The following DESI1 variants were observed in gnomAD, a reference collection of about 807,000 sequenced individuals.
The protein encoded by DESI1 is PPPDE peptidase domain containing 2.
DESI1 carries 17 observed loss-of-function variants against 22.4 expected under a neutral mutation model. The observed-to-expected ratio is 0.76, with a 90% CI of 0.52 to 1.14. The LOEUF is 1.14. Among genes scored for constraint, DESI1 ranks in the 50% most tolerant of loss-of-function variants. DESI1 has a pLI of 0.00. For missense variants in DESI1, 177 were observed against 208.9 expected (o/e 0.85, Z 0.94); for synonymous variants, 92 against 84.2 (o/e 1.09, Z -0.51).
intron 1 of DESI1, among the ~76,000 whole-genome samples, chr22:41,612,634 T>C (rs1001939243): frequency 1.8e-4 from 27 of 151,440 alleles, no homozygotes; most frequent in Admixed American, 1.5e-3. Context: ...CTTGCTCTGC[T>C]ACTCAGGGTG....
At chr22:41,605,926 G>T (rs963871592) in intron 3 of DESI1, among the ~76,000 whole-genome samples, 7 of 152,136 alleles carry the variant, frequency 4.6e-5, no homozygotes, top group Non-Finnish European at 7.4e-5. Flanking sequence ...ACCAGGTGAA[G>T]GATCAAGAAG....
chr22:41,617,560 G>A (rs529940864), intron 1 of DESI1, among the ~76,000 whole-genome samples: 4 of 152,328 alleles, frequency 2.6e-5, no homozygotes, highest in Admixed American at 1.3e-4. Context: ...TTGTCTGAAT[G>A]GGATGAATCA....
At chr22:41,616,525 AACACACACAC>A (rs55785001) in intron 1 of DESI1, among the ~76,000 whole-genome samples, 6,109 of 146,524 alleles carry the variant, frequency 0.042, 244 homozygotes, top group East Asian at 0.13. Flanking sequence ...CCACAATTAA[AACACACACAC>A]ACACACACAC....
At chr22:41,611,279 T>A (rs780017421) in intron 1 of DESI1, among the ~76,000 whole-genome samples, 6 of 152,104 alleles carry the variant, frequency 3.9e-5, no homozygotes, top group Non-Finnish European at 7.4e-5. Flanking sequence ...ATTACAGGTG[T>A]GCGCCACCAT....
At chr22:41,607,785 T>A (rs1252171673) in intron 2 of DESI1, 55 bp downstream of exon 2, 3 of 1,603,400 alleles carry the variant, frequency 1.9e-6, no homozygotes, top group Non-Finnish European at 2.6e-6. Flanking sequence ...CTGAAATGCA[T>A]AGAGTGCTGC....
chr22:41,601,712 T>G (rs895468231), intron 5 of DESI1, among the ~76,000 whole-genome samples: 12 of 152,172 alleles, frequency 7.9e-5, no homozygotes, highest in Admixed American at 7.9e-4. Flanking sequence ...GTTGCCAGTA[T>G]TAATGCCTTT....
chr22:41,611,485 A>C (rs944767451), intron 1 of DESI1, among the ~76,000 whole-genome samples: 1 of 152,178 alleles, frequency 6.6e-6, no homozygotes, highest in Non-Finnish European at 1.5e-5. Flanking sequence ...GTCATTTATA[A>C]ATCAGCTGTT....
intron 1 of DESI1, 142 bp from the exon 2 acceptor site, chr22:41,608,003 A>C (rs2067493016): frequency 9.9e-6 from 8 of 810,720 alleles, no homozygotes; most frequent in Non-Finnish European, 1.6e-5. Flanking sequence ...AGTCCCCTCC[A>C]GTAAGGTCTT....
intron 1 of DESI1, among the ~76,000 whole-genome samples, chr22:41,615,042 T>G (rs1186785722): frequency 1.3e-5 from 2 of 151,586 alleles, no homozygotes; most frequent in Non-Finnish European, 2.9e-5. Flanking sequence ...CTCACGCCTG[T>G]AATCCCAGCA....
chr22:41,606,900 T>G (rs1159029438), intron 3 of DESI1, among the ~76,000 whole-genome samples: 1 of 151,970 alleles, frequency 6.6e-6, no homozygotes, highest in Non-Finnish European at 1.5e-5. Context: ...GTCTTGATGC[T>G]TCTCAGAGCC....
chr22:41,601,072 G>C lies in DESI1; in HGVS notation c.*25C>G. The C allele has an allele frequency of 1.3e-6, 2 of 1,590,380 alleles. No individual in the cohort carries two copies. The highest frequency in any genetic ancestry group is 1.7e-6 in the Non-Finnish European group (2 of 1,160,190). On this transcript the variant is annotated 3_prime_UTR_variant, in exon 6 of 6. Transcript: ENST00000263256. Reference sequence around the variant, plus strand: ...GTTTAAAAAGGAAAAGCCCTGGTGAGGCAGGGCGGTCCCAGGCAGTCCTGT... The same window carrying C: ...GTTTAAAAAGGAAAAGCCCTGGTGACGCAGGGCGGTCCCAGGCAGTCCTGT...
At chr22:41,618,817 C>A (rs2067564957) in intron 1 of DESI1, among the ~76,000 whole-genome samples, 1 of 152,220 alleles carries the variant, frequency 6.6e-6, no homozygotes. Flanking sequence ...GTAATCCCAG[C>A]ACGTTGGGAG....
intron 3 of DESI1, among the ~76,000 whole-genome samples, chr22:41,604,657 C>A (rs1000342364): frequency 3.3e-5 from 5 of 151,776 alleles, no homozygotes; most frequent in African/African-American, 1.2e-4. Context: ...CTTTGGCTTC[C>A]CTGAGGCACA....
At chr22:41,619,565 T>C (rs2067571311) in intron 1 of DESI1, among the ~76,000 whole-genome samples, 2 of 152,244 alleles carry the variant, frequency 1.3e-5, no homozygotes, top group Non-Finnish European at 2.9e-5. Context: ...TTGTTTTTTC[T>C]AATCTCATTT....
intron 2 of DESI1, among the ~76,000 whole-genome samples, chr22:41,607,616 T>C (rs563422360): frequency 2.6e-4 from 40 of 152,300 alleles, no homozygotes; most frequent in African/African-American, 9.4e-4. Flanking sequence ...AAGATGCCAG[T>C]AGCATCCTCC....
At chr22:41,608,302 A>T (rs1458206378) in intron 1 of DESI1, among the ~76,000 whole-genome samples, 1 of 152,190 alleles carries the variant, frequency 6.6e-6, no homozygotes, top group East Asian at 1.9e-4. Context: ...ACGTTATTCT[A>T]CCTCTATGTG....
chr22:41,608,878 C>T (rs2067498735), intron 1 of DESI1, among the ~76,000 whole-genome samples: 1 of 152,198 alleles, frequency 6.6e-6, no homozygotes, highest in Non-Finnish European at 1.5e-5. Flanking sequence ...CTCACTCCTG[C>T]TTATCACTTC....
At chr22:41,611,024 G>A (rs745624562) in intron 1 of DESI1, among the ~76,000 whole-genome samples, 4 of 152,204 alleles carry the variant, frequency 2.6e-5, no homozygotes, top group Non-Finnish European at 5.9e-5. Flanking sequence ...GGATGCCAAA[G>A]GGGAGTGGTA....
At chr22:41,618,006 GCTA>G (rs1428471453) in intron 1 of DESI1, among the ~76,000 whole-genome samples, 2 of 152,070 alleles carry the variant, frequency 1.3e-5, no homozygotes, top group Non-Finnish European at 2.9e-5. Context: ...CCCTCCTGTG[GCTA>G]CTTCTTCCTC....
Sources: allele counts gnomAD v4.1 joint callset (sites outside exome capture counted in the v4.1 genomes callset), GRCh38; gene constraint gnomAD v4.1.1; transcripts MANE v1.5; gene names NCBI Gene and HGNC (gene_info 2026-07-23, HGNC 2026-07-21).